CTNNA3: variants seen among roughly 807,000 people sequenced by gnomAD.
CTNNA3 encodes catenin alpha-3.
CTNNA3 carries 76 observed loss-of-function variants against 95.7 expected under a neutral mutation model. The observed-to-expected ratio is 0.79, with a 90% CI of 0.66 to 0.96. CTNNA3 has a LOEUF of 0.96. CTNNA3 is among the 40% of genes least tolerant of loss of function. The pLI, the probability that CTNNA3 is intolerant of heterozygous loss-of-function variation, is 0.00. For missense variants in CTNNA3, 1,191 were observed against 1,089.8 expected, an observed-to-expected ratio of 1.09 and a Z score of -1.31; for synonymous variants, 431 against 374.4, an observed-to-expected ratio of 1.15 and a Z score of -1.74.
At chr10:67,392,522 C>T (rs1304370818) in intron 5 of CTNNA3, among the ~76,000 whole-genome samples, 1 of 152,126 alleles carries the variant, frequency 6.6e-6, no homozygotes, top group African/African-American at 2.4e-5. Context: ...TCTAGAACTA[C>T]AAATACCATT....
chr10:66,470,150 A>C (rs144608176), intron 11 of CTNNA3, among the ~76,000 whole-genome samples: 1,687 of 151,974 alleles, frequency 0.011, 15 homozygotes, highest in Non-Finnish European at 0.016. Context: ...TAGGAGGAAC[A>C]ACAATTCCTC....
chr10:67,255,072 G>A (rs747585323), intron 5 of CTNNA3, among the ~76,000 whole-genome samples: 4 of 152,084 alleles, frequency 2.6e-5, no homozygotes, highest in Non-Finnish European at 4.4e-5. Flanking sequence ...GAGGCAGGTG[G>A]ATCACCTGAG....
chr10:66,857,869 C>T (rs1254273350), intron 7 of CTNNA3, among the ~76,000 whole-genome samples: 1 of 152,046 alleles, frequency 6.6e-6, no homozygotes, highest in Non-Finnish European at 1.5e-5. Flanking sequence ...GTTGGACTTC[C>T]TCTCTTTCTA....
At chr10:67,541,116 G>A (rs973728711) in intron 3 of CTNNA3, among the ~76,000 whole-genome samples, 7 of 151,572 alleles carry the variant, frequency 4.6e-5, no homozygotes, top group Admixed American at 2.0e-4. Flanking sequence ...TATAAAGAAC[G>A]TCCAGGACAT....
chr10:66,445,138 T>C (rs2093409248), intron 11 of CTNNA3, among the ~76,000 whole-genome samples: 1 of 151,966 alleles, frequency 6.6e-6, no homozygotes, highest in African/African-American at 2.4e-5. Context: ...TAAATATACA[T>C]GCACCCAATA....
chr10:67,531,386 A>C (rs1840323580), intron 4 of CTNNA3, among the ~76,000 whole-genome samples: 1 of 152,194 alleles, frequency 6.6e-6, no homozygotes, highest in Non-Finnish European at 1.5e-5. Flanking sequence ...TTCTTGCATC[A>C]GCATGATCTG....
At chr10:66,473,163 C>T (rs1490859685) in intron 11 of CTNNA3, among the ~76,000 whole-genome samples, 1 of 152,038 alleles carries the variant, frequency 6.6e-6, no homozygotes, top group Middle Eastern at 3.4e-3. Flanking sequence ...GTGGTGAGAA[C>T]ATTTTATATG....
At chr10:66,386,124 G>A (rs1384162582) in intron 11 of CTNNA3, among the ~76,000 whole-genome samples, 2 of 152,114 alleles carry the variant, frequency 1.3e-5, no homozygotes, top group Non-Finnish European at 2.9e-5. Context: ...GAAATAAAGG[G>A]TATTCAGTTA....
intron 11 of CTNNA3, among the ~76,000 whole-genome samples, chr10:66,416,451 C>T (rs1018827235): frequency 3.3e-5 from 5 of 151,640 alleles, no homozygotes; most frequent in Non-Finnish European, 7.4e-5. Context: ...ATACAGAGTC[C>T]CAGCAGTCAC....
At chr10:66,424,819 A>T (rs2132644888) in intron 11 of CTNNA3, among the ~76,000 whole-genome samples, 1 of 152,188 alleles carries the variant, frequency 6.6e-6, no homozygotes, top group East Asian at 1.9e-4. Context: ...TATCCTTTTT[A>T]AAATTTTTAT....
chr10:66,555,027 A>C (rs1842347168), intron 10 of CTNNA3, among the ~76,000 whole-genome samples: 1 of 152,114 alleles, frequency 6.6e-6, no homozygotes, highest in South Asian at 2.1e-4. Flanking sequence ...AATTCCATTT[A>C]AGGGATTTTC....
chr10:66,515,489 T>C (rs746440789), intron 11 of CTNNA3, among the ~76,000 whole-genome samples: 1 of 152,032 alleles, frequency 6.6e-6, no homozygotes, highest in Non-Finnish European at 1.5e-5. Context: ...TTGATCTACC[T>C]GACAAAAGAG....
intron 7 of CTNNA3, among the ~76,000 whole-genome samples, chr10:66,957,431 T>TATATATATATATATGC (rs1848873491): frequency 8.4e-6 from 1 of 118,542 alleles, no homozygotes; most frequent in Non-Finnish European, 1.8e-5. Flanking sequence ...TATATATGCA[T>TATATATATATATATGC]ATATATATAT....
chr10:66,097,842 T>C (rs1447003962), intron 14 of CTNNA3: 3 of 152,122 alleles, frequency 2.0e-5, no homozygotes, highest in African/African-American at 7.2e-5. Context: ...TTCTAGAAAT[T>C]AGAATTCTCG....
chr10:66,676,753 G>A (rs1846870371), intron 9 of CTNNA3, among the ~76,000 whole-genome samples: 1 of 152,116 alleles, frequency 6.6e-6, no homozygotes, highest in Admixed American at 6.6e-5. Flanking sequence ...TCAGTCAAGA[G>A]ATGATTTATT....
At chr10:67,549,179 T>C (rs921433998) in intron 3 of CTNNA3, among the ~76,000 whole-genome samples, 1 of 152,042 alleles carries the variant, frequency 6.6e-6, no homozygotes, top group Admixed American at 6.5e-5. Context: ...AAAAAATCAA[T>C]GTGTATGTAT....
intron 7 of CTNNA3, among the ~76,000 whole-genome samples, chr10:67,148,916 T>G (rs1217823277): frequency 6.6e-6 from 1 of 152,220 alleles, no homozygotes; most frequent in Admixed American, 6.5e-5. Context: ...TTGGCTCCTC[T>G]TATCTTCAGC....
At chr10:66,292,157 T>C (rs1303139300) in intron 12 of CTNNA3, among the ~76,000 whole-genome samples, 2 of 151,984 alleles carry the variant, frequency 1.3e-5, no homozygotes, top group East Asian at 3.9e-4. Flanking sequence ...GTATCATCAG[T>C]TTCTCCCACC....
At chr10:66,770,641 A>T (rs1453933305) in intron 8 of CTNNA3, among the ~76,000 whole-genome samples, 2 of 152,080 alleles carry the variant, frequency 1.3e-5, no homozygotes, top group East Asian at 1.9e-4. Flanking sequence ...ATATCACTAC[A>T]ATTGAAGCCC....
Sources: gnomAD v4.1 joint callset for allele counts (sites outside exome capture counted in the v4.1 genomes callset) on GRCh38, gnomAD v4.1.1 for gene constraint, MANE v1.5 for transcripts, NCBI Gene and HGNC (gene_info 2026-07-23, HGNC 2026-07-21) for gene names.